RAB11FIP5: variants seen among roughly 807,000 people sequenced by gnomAD.
The protein encoded by RAB11FIP5 is RAB11 family interacting protein 5.
RAB11FIP5 carries 48 observed loss-of-function variants against 85.1 expected under a neutral mutation model. The ratio of observed to expected loss-of-function variants is 0.56; its 90% CI spans 0.45 to 0.72. The LOEUF is 0.72. Among genes scored for constraint, RAB11FIP5 ranks in the 30% least tolerant of loss-of-function variants. RAB11FIP5 has a pLI of 0.00. For missense variants in RAB11FIP5, 1,491 were observed against 1,687.0 expected (o/e 0.88, Z 2.04); for synonymous variants, 729 against 727.3 (o/e 1.00, Z -0.04).
At position 73,081,841 on chromosome 2, in the gene RAB11FIP5, C is replaced by A. The variant is rs1167984199; in HGVS notation, c.1569-178G>T. Among the ~76,000 whole-genome samples the A allele has an allele frequency of 6.6e-6, 1 of 152,066 alleles. No individual in the cohort carries two copies. Among genetic ancestry groups the A allele is most frequent in the Non-Finnish European group, 1.5e-5 (1 of 68,010 alleles). On this transcript the variant is annotated intron_variant, in intron 3 of 5. Coordinates refer to ENST00000486777, the MANE Select transcript of RAB11FIP5 (RefSeq NM_001371272.1). This position sits in a 1 kb window ranked among gnomAD's most constrained non-coding sequence, Gnocchi z 4.2. Reference sequence around the variant, plus strand: ...CCCCAACATGTAACATTATCAAGTGCCTCCCAAGGAGAAATATGCCAGGCA... The same window carrying A: ...CCCCAACATGTAACATTATCAAGTGACTCCCAAGGAGAAATATGCCAGGCA...
At chr2:73,094,359 T>G (rs1684278928) in intron 1 of RAB11FIP5, among the ~76,000 whole-genome samples, 1 of 152,332 alleles carries the variant, frequency 6.6e-6, no homozygotes, top group Non-Finnish European at 1.5e-5. Flanking sequence ...GGCAGAGACA[T>G]GGCCAAAATC....
chr2:73,087,443 C>T (rs1684111816), intron 3 of RAB11FIP5, among the ~76,000 whole-genome samples: 1 of 152,200 alleles, frequency 6.6e-6, no homozygotes, highest in Admixed American at 6.5e-5. Context: ...CCAGAGCTCC[C>T]AGGGTCTCCA....
At chr2:73,105,400 G>A (rs1684504595) in intron 1 of RAB11FIP5, among the ~76,000 whole-genome samples, 1 of 152,070 alleles carries the variant, frequency 6.6e-6, no homozygotes, top group Non-Finnish European at 1.5e-5. Flanking sequence ...GCACCACCAT[G>A]CCCAGCTAAT....
Position 73,080,109 on chromosome 2 carries a change from C to T in RAB11FIP5, c.3123G>A (p.Glu1041=). The stretch of plus-strand genomic sequence containing the variant: ...AGGTGGCTGACAAGGACCCAAGCCC[C>T]TCTCCTACTGGATCCTGGCCCTGGG... ...PEAQGQDPVG[E]GLGSLSATSQ... Residue 1041 remains glutamate (E), a synonymous_variant, in exon 4 of 6, where the codon GAG becomes GAA. Transcript: ENST00000486777. The T allele has an allele frequency of 8.1e-7, 1 of 1,232,228 alleles. No homozygotes were observed. Among genetic ancestry groups the T allele is most frequent in the Non-Finnish European group, 1.0e-6 (1 of 988,038 alleles). 76.3% of individuals were successfully genotyped at this position (1,232,228 alleles called of 1,614,324 possible).
intron 1 of RAB11FIP5, among the ~76,000 whole-genome samples, chr2:73,100,130 G>A (rs563936595): frequency 3.9e-5 from 6 of 152,300 alleles, no homozygotes; most frequent in African/African-American, 1.4e-4. Flanking sequence ...TTCCCTTAGA[G>A]CTAGTACAAA....
At chr2:73,099,879 T>C (rs1000208438) in intron 1 of RAB11FIP5, among the ~76,000 whole-genome samples, 10 of 152,052 alleles carry the variant, frequency 6.6e-5, no homozygotes, top group African/African-American at 1.7e-4. Flanking sequence ...AGACAGGCCT[T>C]ACCTCAGCTG....
chr2:73,094,212 TG>T (rs1427112837), intron 1 of RAB11FIP5, among the ~76,000 whole-genome samples: 1 of 151,938 alleles, frequency 6.6e-6, no homozygotes, highest in Non-Finnish European at 1.5e-5. Context: ...TTGGAGATTC[TG>T]CTACTGTTCC....
intron 4 of RAB11FIP5, among the ~76,000 whole-genome samples, 189 bp from the exon 5 acceptor site, chr2:73,076,371 C>A (rs1038644354): frequency 6.6e-6 from 1 of 152,106 alleles, no homozygotes; most frequent in African/African-American, 2.4e-5. Flanking sequence ...CCTGGGCTGG[C>A]CTCAATTCCC....
rs1356930677 is a variant in RAB11FIP5 at position 73,078,038 on chromosome 2, C to G, written c.3581+1613G>C. Among the ~76,000 whole-genome samples, 1 of 152,220 alleles carries G rather than the reference C, an allele frequency of 6.6e-6. No homozygotes were observed. Among genetic ancestry groups the G allele is most frequent in the Non-Finnish European group, 1.5e-5 (1 of 68,052 alleles). On this transcript the variant is annotated intron_variant, in intron 4 of 5. Transcript: ENST00000486777. The surrounding 1 kb of genome is among the most constrained non-coding windows in gnomAD (Gnocchi z 4.4). The stretch of plus-strand genomic sequence containing the variant: ...GCAGAGCACCCATGCTCTGGGCAGA[C>G]AGTATGGAGAAAGAATGCATCTCAG...
intron 3 of RAB11FIP5, among the ~76,000 whole-genome samples, chr2:73,083,560 A>G (rs1011332101): frequency 6.6e-6 from 1 of 152,068 alleles, no homozygotes; most frequent in Non-Finnish European, 1.5e-5. Flanking sequence ...TTCCCACCCC[A>G]CCTGGGCTTC....
intron 1 of RAB11FIP5, among the ~76,000 whole-genome samples, chr2:73,098,822 T>C (rs1684374349): frequency 6.6e-6 from 1 of 152,206 alleles, no homozygotes; most frequent in South Asian, 2.1e-4. Flanking sequence ...CTTCCCACTA[T>C]GAATTTTTGC....
chr2:73,112,166 G>A (rs901183172), intron 1 of RAB11FIP5, among the ~76,000 whole-genome samples, 181 bp downstream of exon 1: 1 of 152,174 alleles, frequency 6.6e-6, no homozygotes, highest in Non-Finnish European at 1.5e-5. Context: ...CCCACACAGC[G>A]CACGTTTGGG....
At position 73,081,464 on chromosome 2, in the gene RAB11FIP5, G is replaced by C; in HGVS notation, c.1768C>G (p.Pro590Ala). The change falls in exon 4 of 6, where the codon CCT (proline) becomes GCT (alanine). Residue 590 changes from proline to alanine, a missense_variant. By Grantham distance (27) the Pro-to-Ala change is conservative (BLOSUM62 -1). Transcript: ENST00000486777. The surrounding 1 kb of genome is among the most constrained non-coding windows in gnomAD (Gnocchi z 4.2). ...GGGTTGGTAAGACCCAATAATCCAG[G>C]TGGGGTGGCTTCAGGGGCGGCGGTG... ...ATTAAPEATP[P>A]GLLGLTNPFL... The C allele has an allele frequency of 8.1e-7, 1 of 1,234,224 alleles. No individual in the cohort carries two copies. Among genetic ancestry groups the C allele is most frequent in the Non-Finnish European group, 1.0e-6 (1 of 989,262 alleles). The allele number at this position is 1,234,224 out of a possible 1,614,324, so 76.5% of individuals were successfully genotyped here. A position where few individuals can be genotyped will look rare whatever the true frequency, so the allele number is the denominator to read the frequency against.
intron 3 of RAB11FIP5, among the ~76,000 whole-genome samples, chr2:73,082,855 A>G (rs764856610): frequency 3.9e-5 from 6 of 152,112 alleles, no homozygotes; most frequent in Non-Finnish European, 8.8e-5. Context: ...AGAGCTTCTC[A>G]CTTCCCTAGG....
intron 1 of RAB11FIP5, 126 bp downstream of exon 1, chr2:73,112,221 C>G: frequency 9.0e-7 from 1 of 1,116,320 alleles, no homozygotes. Context: ...ACGTTTCTGT[C>G]GGTTTACGCC....
rs1287820744 is a variant in RAB11FIP5, at chr2:73,080,959, T to C, written c.2273A>G (p.Gln758Arg). 1 of 1,232,332 alleles carries C rather than the reference T, an allele frequency of 8.1e-7. No homozygotes were observed. The allele number at this position is 1,232,332 out of a possible 1,614,324, so 76.3% of individuals were successfully genotyped here. A position where few individuals can be genotyped will look rare whatever the true frequency, so the allele number is the denominator to read the frequency against. The change falls in exon 4 of 6, where the codon CAG (glutamine) becomes CGG (arginine). Residue 758 changes from glutamine (Q) to arginine (R), a missense_variant. Gln to Arg is a conservative substitution (Grantham distance 43, BLOSUM62 1). Coordinates refer to ENST00000486777, the MANE Select transcript of RAB11FIP5 (RefSeq NM_001371272.1). ...TGGTTCTGAGCCTGAGGCTCTCAGC[T>C]GTAGCTGGGCTGACGAGGAGGGCAG... The part of the protein sequence containing the change: ...AGLPSSSAQL[Q>R]LRASGSEPDR...
rs993920825 is a variant in RAB11FIP5, at chr2:73,081,657, G to A, written c.1575C>T (p.Asp525=). 15 of 1,231,938 alleles carry A rather than the reference G, an allele frequency of 1.2e-5. No individual in the cohort carries two copies. The highest frequency in any genetic ancestry group is 1.5e-5 in the Non-Finnish European group (15 of 987,848). The allele number at this position is 1,231,938 out of a possible 1,614,324, so 76.3% of individuals were successfully genotyped here. Residue 525 remains aspartate, a synonymous_variant, in exon 4 of 6, where the codon GAC becomes GAT. Transcript: ENST00000486777. The surrounding 1 kb of genome is among the most constrained non-coding windows in gnomAD (Gnocchi z 4.2). The part of the protein sequence containing the change: ...AKDPTQKPSL[D]VSPQVESDPA... The stretch of plus-strand genomic sequence containing the variant: ...GGTCAGATTCTACCTGAGGAGACAC[G>A]TCCAGGCTGTGGAGGGAGACAAAAC...
At chr2:73,106,378 C>T (rs1468034146) in intron 1 of RAB11FIP5, among the ~76,000 whole-genome samples, 7 of 152,216 alleles carry the variant, frequency 4.6e-5, no homozygotes, top group African/African-American at 1.7e-4. Flanking sequence ...ACAGCCAGCG[C>T]CAGTGGCTCT....
rs1014200103 is a variant in RAB11FIP5 at position 73,105,219 on chromosome 2, T to C, written c.431+7128A>G. Reference sequence around the variant, plus strand: ...GCCCTGGTGGAAAGTGAGGCTGACCTTCTCAGGCCTCACTCCACTCCTTTT... The same window carrying C: ...GCCCTGGTGGAAAGTGAGGCTGACCCTCTCAGGCCTCACTCCACTCCTTTT... On this transcript the variant is annotated intron_variant, in intron 1 of 5. Transcript: ENST00000486777. Among the ~76,000 whole-genome samples the C allele has an allele frequency of 3.5e-4, 54 of 152,134 alleles. 2 individuals are homozygous for C. The highest frequency in any genetic ancestry group is 1.1e-3 in the African/African-American group (47 of 41,436).
Sources: allele counts gnomAD v4.1 joint callset (sites outside exome capture counted in the v4.1 genomes callset), GRCh38; gene constraint gnomAD v4.1.1; non-coding constraint Gnocchi (gnomAD v3.1); transcripts MANE v1.5; gene names NCBI Gene and HGNC (gene_info 2026-07-23, HGNC 2026-07-21).